Variants in CALB2 observed in about 807,000 individuals in gnomAD.
CALB2 encodes calretinin.
In CALB2, 34 loss-of-function variants were observed where a neutral mutation model predicts 45.9. That is an observed-to-expected ratio of 0.74 (90% CI 0.56 to 0.99). CALB2 has a LOEUF of 0.99. Ranked by LOEUF, CALB2 falls within the 50% of genes least tolerant of loss-of-function variation. The pLI is 0.00. For missense variants in CALB2, 344 were observed against 339.3 expected, an observed-to-expected ratio of 1.01 and a Z score of -0.11; for synonymous variants, 142 against 129.6, an observed-to-expected ratio of 1.10 and a Z score of -0.65.
At position 71,379,271 on chromosome 16, in the gene CALB2, T is replaced by TAATAAATA. The variant is rs71153630; in HGVS notation, c.342+1563_342+1570dup. Among the ~76,000 whole-genome samples, 236 of 145,586 alleles carry TAATAAATA rather than the reference T, an allele frequency of 1.6e-3. 1 individual carries two copies. The highest frequency in any genetic ancestry group is 2.0e-3 in the Non-Finnish European group (132 of 66,448). On this transcript the variant is annotated intron_variant, in intron 4 of 10. Coordinates refer to ENST00000302628, the MANE Select transcript of CALB2 (RefSeq NM_001740.5). ...CAGCCTGGGCGACAAAGACTCTGTCTAATAAATAAATAAATAAATAAATAA... is the reference window on the plus strand; with the variant it reads ...CAGCCTGGGCGACAAAGACTCTGTCTAATAAATAAATAAATAAATAAATAAATAAATAA...
In CALB2 at chr16:71,389,964, C is replaced by T. The variant is rs993163609; in HGVS notation, c.*99C>T. The T allele has an allele frequency of 1.6e-5, 12 of 750,732 alleles. No homozygotes were observed. The highest frequency in any genetic ancestry group is 2.6e-5 in the Non-Finnish European group (11 of 427,322). The allele number at this position is 750,732 out of a possible 1,614,324, so 46.5% of individuals were successfully genotyped here. On this transcript the variant is annotated 3_prime_UTR_variant, in exon 11 of 11. Transcript: ENST00000302628. ...AGAGACCGTGAGCGCCCCGCCCCCA[C>T]CCCTACAGCCTGCACACACCTGCCT...
chr16:71,376,689 TCACATACAACCACATGCACC>T (rs1157639060), intron 3 of CALB2, among the ~76,000 whole-genome samples: 1 of 133,300 alleles, frequency 7.5e-6, no homozygotes, highest in African/African-American at 2.9e-5. Context: ...CCACATACAT[TCACATACAACCACATGCACC>T]CACATACAAC....
At chr16:71,378,715 T>C (rs2042446472) in intron 4 of CALB2, among the ~76,000 whole-genome samples, 2 of 152,166 alleles carry the variant, frequency 1.3e-5, no homozygotes, top group Non-Finnish European at 2.9e-5. Flanking sequence ...GCATCTCTCA[T>C]GTGGGGATTT....
In CALB2 at chr16:71,389,925, G is replaced by A. The variant is rs566103162; in HGVS notation, c.*60G>A. On this transcript the variant is annotated 3_prime_UTR_variant, in exon 11 of 11. Coordinates refer to ENST00000302628, the MANE Select transcript of CALB2 (RefSeq NM_001740.5). ...AACCCTGCTTCTGCTGCCCTGATGC[G>A]TCTACCCAGACTCAGAGACCGTGAG... The A allele has an allele frequency of 1.0e-4, 122 of 1,198,674 alleles. No homozygotes were observed. Among genetic ancestry groups the A allele is most frequent in the Admixed American group, 2.7e-4 (16 of 58,920 alleles). The allele number at this position is 1,198,674 out of a possible 1,614,324, so 74.3% of individuals were successfully genotyped here.
Position 71,377,681 on chromosome 16 carries a change from G to A in CALB2, c.276G>A (p.Leu92=), listed in dbSNP as rs2042433693. The change falls in exon 4 of 11, where the codon CTG becomes CTA. Residue 92 remains leucine (L), a synonymous_variant. Transcript: ENST00000302628. ...TATCTTCACAGCTGGCGCAGATCCT[G>A]CCAACCGAAGAGAACTTCCTTCTGT... ...KIEMAELAQI[L]PTEENFLLCF... is the part of the protein sequence containing the mutation. 1.2e-6 allele frequency: 2 copies of A among 1,613,768 alleles called. No homozygotes were observed. The highest frequency in any genetic ancestry group is 1.7e-6 in the Non-Finnish European group (2 of 1,179,756).
chr16:71,372,332 G>T, intron 2 of CALB2, 103 bp downstream of exon 2: 2 of 750,882 alleles, frequency 2.7e-6, no homozygotes, highest in South Asian at 1.8e-5. Context: ...TCATATCGCT[G>T]GTCTTGACAC....
At chr16:71,374,204 A>T (rs962233683) in intron 2 of CALB2, among the ~76,000 whole-genome samples, 6 of 152,228 alleles carry the variant, frequency 3.9e-5, no homozygotes, top group Non-Finnish European at 8.8e-5. Context: ...GACTGTTTAA[A>T]TTACCCTTCG....
At chr16:71,368,062 TTCTTTC>T (rs2144959937) in intron 1 of CALB2, among the ~76,000 whole-genome samples, 1 of 152,332 alleles carries the variant, frequency 6.6e-6, no homozygotes, top group South Asian at 2.1e-4. Context: ...GACACCATCA[TTCTTTC>T]ATTGCTCTCG....
intron 1 of CALB2, among the ~76,000 whole-genome samples, chr16:71,360,832 G>A (rs1452571234): frequency 6.6e-6 from 1 of 152,192 alleles, no homozygotes; most frequent in East Asian, 1.9e-4. Flanking sequence ...CTTTTCCGAG[G>A]TCATGGAGCA....
intron 5 of CALB2, among the ~76,000 whole-genome samples, chr16:71,383,053 G>A (rs1435658829): frequency 4.6e-5 from 7 of 152,168 alleles, no homozygotes; most frequent in Admixed American, 3.9e-4. Flanking sequence ...CTGGCTCCTA[G>A]GTCCACCTCC....
intron 4 of CALB2, among the ~76,000 whole-genome samples, chr16:71,382,124 A>AAAGGAAGGAAAG (rs1555526527): frequency 1.2e-4 from 4 of 34,418 alleles, no homozygotes; most frequent in East Asian, 5.3e-4. Context: ...AAAGGAAGAA[A>AAAGGAAGGAAAG]AAGGAAGGAA....
chr16:71,385,747 C>T, intron 10 of CALB2, 99 bp downstream of exon 10: 1 of 814,002 alleles, frequency 1.2e-6, no homozygotes, highest in Non-Finnish European at 1.9e-6. Flanking sequence ...CTCTCTACTC[C>T]CCTCTGATCT....
chr16:71,382,029 G>GAGGAGGAGGAGT (rs2042498692), intron 4 of CALB2, among the ~76,000 whole-genome samples: 5 of 127,888 alleles, frequency 3.9e-5, no homozygotes, highest in Non-Finnish European at 6.7e-5. Context: ...GGAGGAGGAG[G>GAGGAGGAGGAGT]AGGAGGAGGA....
intron 8 of CALB2, 25 bp from the exon 9 acceptor site, chr16:71,384,758 G>A: frequency 8.2e-7 from 1 of 1,217,764 alleles, no homozygotes; most frequent in Non-Finnish European, 1.0e-6. Flanking sequence ...TTCTGCTTCT[G>A]TCTTTAATAC....
At chr16:71,388,410 G>A (rs149493941) in intron 10 of CALB2, among the ~76,000 whole-genome samples, 49 of 151,386 alleles carry the variant, frequency 3.2e-4, no homozygotes, top group Non-Finnish European at 5.6e-4. Flanking sequence ...GAGAAGGAAA[G>A]AAAGAAAAGG....
chr16:71,380,337 T>C (rs1459127578), intron 4 of CALB2, among the ~76,000 whole-genome samples: 2 of 126,918 alleles, frequency 1.6e-5, no homozygotes, highest in Non-Finnish European at 3.2e-5. Context: ...TGAGACGGAG[T>C]TTCGCTCGTT....
chr16:71,378,972 T>C (rs2042451692), intron 4 of CALB2, among the ~76,000 whole-genome samples: 1 of 152,214 alleles, frequency 6.6e-6, no homozygotes, highest in South Asian at 2.1e-4. Flanking sequence ...GTTTCGGTTT[T>C]CCTTTTTAAA....
intron 4 of CALB2, among the ~76,000 whole-genome samples, chr16:71,379,828 T>C (rs2042466086): frequency 6.6e-6 from 1 of 152,208 alleles, no homozygotes. Context: ...GGAACAGTCA[T>C]TTTTTAAGTG....
chr16:71,361,998 C>A (rs1048655630), intron 1 of CALB2, among the ~76,000 whole-genome samples: 31 of 152,198 alleles, frequency 2.0e-4, no homozygotes, highest in African/African-American at 6.5e-4. Context: ...CCAATGTTGT[C>A]TCTCAAAGGC....
Sources: allele counts gnomAD v4.1 joint callset (sites outside exome capture counted in the v4.1 genomes callset), GRCh38; gene constraint gnomAD v4.1.1; transcripts MANE v1.5; gene names NCBI Gene and HGNC (gene_info 2026-07-23, HGNC 2026-07-21).